The following NOS1AP variants were observed in gnomAD, a reference collection of about 807,000 sequenced individuals.
NOS1AP encodes the protein carboxyl-terminal PDZ ligand of neuronal nitric oxide synthase protein.
In NOS1AP, 21 loss-of-function variants were observed where a neutral mutation model predicts 56.2. That is an observed-to-expected ratio of 0.37 (90% CI 0.26 to 0.54). The LOEUF (loss-of-function observed/expected upper bound fraction) is 0.54, where lower values mean the gene tolerates loss of function less well. Ranked by LOEUF, NOS1AP falls within the 20% of genes least tolerant of loss-of-function variation. NOS1AP has a pLI of 0.84. For missense variants in NOS1AP, 522 were observed against 657.8 expected (o/e 0.79, Z 2.26); for synonymous variants, 270 against 274.6 (o/e 0.98, Z 0.17).
chr1:162,184,729 C>A (rs191942716), intron 2 of NOS1AP, among the ~76,000 whole-genome samples: 200 of 152,324 alleles, frequency 1.3e-3, no homozygotes, highest in South Asian at 2.1e-3. Context: ...GAGAACCTGG[C>A]AGCCCTGTTT....
intron 4 of NOS1AP, among the ~76,000 whole-genome samples, chr1:162,330,461 G>C (rs1656729784): frequency 6.6e-6 from 1 of 152,196 alleles, no homozygotes; most frequent in Admixed American, 6.5e-5. Context: ...GGGAGGGGAA[G>C]GCTGCTCTGA....
intron 1 of NOS1AP, among the ~76,000 whole-genome samples, chr1:162,100,459 C>T (rs1479609928): frequency 1.3e-5 from 2 of 152,320 alleles, no homozygotes; most frequent in African/African-American, 2.4e-5. Flanking sequence ...TCATATCCCT[C>T]ACCCACTTTT....
At chr1:162,098,001 G>A (rs1348189248) in intron 1 of NOS1AP, among the ~76,000 whole-genome samples, 2 of 149,640 alleles carry the variant, frequency 1.3e-5, no homozygotes, top group South Asian at 2.1e-4. Flanking sequence ...ATGATATTTA[G>A]TCTTTTAGTC....
intron 4 of NOS1AP, among the ~76,000 whole-genome samples, chr1:162,322,340 A>G (rs1656448693): frequency 6.6e-6 from 1 of 152,206 alleles, no homozygotes; most frequent in South Asian, 2.1e-4. Context: ...CAACTGGAAA[A>G]ATAAAAATAT....
chr1:162,332,973 C>T, intron 4 of NOS1AP, 44 bp from the exon 5 acceptor site: 1 of 1,401,006 alleles, frequency 7.1e-7, no homozygotes, highest in Non-Finnish European at 1.0e-6. Flanking sequence ...GAGATTTGAA[C>T]CTAAGGCCAT....
intron 8 of NOS1AP, among the ~76,000 whole-genome samples, chr1:162,361,441 T>C (rs1459477716): frequency 6.6e-6 from 1 of 152,192 alleles, no homozygotes; most frequent in Non-Finnish European, 1.5e-5. Flanking sequence ...AGTTATAAAA[T>C]GCTGCACCTC....
chr1:162,283,102 C>G (rs1026206639), intron 2 of NOS1AP, among the ~76,000 whole-genome samples: 1 of 150,752 alleles, frequency 6.6e-6, no homozygotes, highest in African/African-American at 2.5e-5. Flanking sequence ...CTCTCTCTCT[C>G]TCTGTGTGTG....
intron 2 of NOS1AP, among the ~76,000 whole-genome samples, chr1:162,203,584 T>A (rs1461629031): frequency 2.0e-5 from 3 of 152,184 alleles, no homozygotes; most frequent in Non-Finnish European, 4.4e-5. Context: ...ATTTGCAGAC[T>A]CCATCCCAAG....
intron 2 of NOS1AP, among the ~76,000 whole-genome samples, chr1:162,281,477 G>C: frequency 6.6e-6 from 1 of 152,164 alleles, no homozygotes; most frequent in East Asian, 1.9e-4. Flanking sequence ...CCAATCAACA[G>C]TGAGTGATAA....
chr1:162,298,979 G>A (rs1249781937), intron 3 of NOS1AP, among the ~76,000 whole-genome samples: 3 of 152,220 alleles, frequency 2.0e-5, no homozygotes, highest in Admixed American at 6.5e-5. Flanking sequence ...ATGTGGTCAC[G>A]GCTATAGATG....
At chr1:162,219,633 A>G (rs946452126) in intron 2 of NOS1AP, among the ~76,000 whole-genome samples, 3 of 152,202 alleles carry the variant, frequency 2.0e-5, no homozygotes, top group Admixed American at 2.0e-4. Context: ...GCTGGAGACA[A>G]TGTTAATCTT....
Position 162,081,774 on chromosome 1 carries a change from A to ATATATTTTTTTTTTTTTTTTTTTTT in NOS1AP, c.105+11493_105+11494insATATTTTTTTTTTTTTTTTTTTTTT. Reference sequence around the variant, plus strand: ...TCTATAGATATATATATATATATATATTTTTTTTTTGTAGAGATGGGTTTT... The same window carrying ATATATTTTTTTTTTTTTTTTTTTTT: ...TCTATAGATATATATATATATATATATATATTTTTTTTTTTTTTTTTTTTTTTTTTTTTTTGTAGAGATGGGTTTT... On this transcript the variant is annotated intron_variant, in intron 1 of 9. Coordinates refer to ENST00000361897, the MANE Select transcript of NOS1AP (RefSeq NM_014697.3). Among the ~76,000 whole-genome samples the ATATATTTTTTTTTTTTTTTTTTTTT allele has an allele frequency of 5.9e-4, 26 of 44,030 alleles. 1 individual carries two copies. Among genetic ancestry groups the ATATATTTTTTTTTTTTTTTTTTTTT allele is most frequent in the African/African-American group, 1.8e-3 (23 of 13,056 alleles). The allele number at this position is 44,030 out of a possible 152,430, so 28.9% of individuals were successfully genotyped here.
intron 4 of NOS1AP, among the ~76,000 whole-genome samples, chr1:162,328,970 G>A (rs986260106): frequency 2.6e-5 from 4 of 152,126 alleles, no homozygotes; most frequent in African/African-American, 9.7e-5. Flanking sequence ...TAAGAGAAGC[G>A]AGTTTACCTA....
chr1:162,139,471 C>A (rs1236842586), intron 1 of NOS1AP, among the ~76,000 whole-genome samples: 2 of 152,102 alleles, frequency 1.3e-5, no homozygotes, highest in Non-Finnish European at 2.9e-5. Flanking sequence ...GCTGGAGGAA[C>A]AATGGATGCT....
intron 2 of NOS1AP, among the ~76,000 whole-genome samples, chr1:162,175,856 G>A (rs565797930): frequency 3.9e-5 from 6 of 152,106 alleles, no homozygotes; most frequent in Admixed American, 1.3e-4. Context: ...AATATCCCCC[G>A]CAAGCAGTTA....
chr1:162,220,766 G>A (rs190342849), intron 2 of NOS1AP, among the ~76,000 whole-genome samples: 24 of 152,108 alleles, frequency 1.6e-4, no homozygotes, highest in African/African-American at 4.1e-4. Context: ...GACATTTCAC[G>A]CACCAGCTTT....
chr1:162,354,906 T>C (rs1006684037), intron 6 of NOS1AP, among the ~76,000 whole-genome samples: 2 of 152,252 alleles, frequency 1.3e-5, no homozygotes, highest in South Asian at 2.1e-4. Context: ...CTTCTTCCAG[T>C]GTACCTTGTC....
At chr1:162,182,346 G>A (rs571317751) in intron 2 of NOS1AP, among the ~76,000 whole-genome samples, 205 of 152,284 alleles carry the variant, frequency 1.3e-3, no homozygotes, top group African/African-American at 4.7e-3. Flanking sequence ...AATAAAACGA[G>A]TATCTCAATA....
chr1:162,081,775 T>TATA (rs1553254645), intron 1 of NOS1AP, among the ~76,000 whole-genome samples: 1 of 19,520 alleles, frequency 5.1e-5, no homozygotes. Context: ...TATATATATA[T>TATA]TTTTTTTTTG....
Sources: gnomAD v4.1 joint callset for allele counts (sites outside exome capture counted in the v4.1 genomes callset) on GRCh38, gnomAD v4.1.1 for gene constraint, MANE v1.5 for transcripts, NCBI Gene and HGNC (gene_info 2026-07-23, HGNC 2026-07-21) for gene names.